Variants in HIKESHI observed in about 807,000 individuals in gnomAD.
The protein encoded by HIKESHI is protein Hikeshi.
In HIKESHI, 13 loss-of-function variants were observed where a neutral mutation model predicts 25.7. That is an observed-to-expected ratio of 0.51 (90% CI 0.33 to 0.80). The LOEUF is 0.80. Ranked by LOEUF, HIKESHI falls within the 30% of genes least tolerant of loss-of-function variation. The probability of loss-of-function intolerance (pLI) is 0.02; values close to 1 mark genes in which losing one functional copy is unlikely to be tolerated. For missense variants in HIKESHI, 174 were observed against 229.5 expected, an observed-to-expected ratio of 0.76 and a Z score of 1.56; for synonymous variants, 76 against 78.7, an observed-to-expected ratio of 0.97 and a Z score of 0.18.
Position 86,337,368 on chromosome 11 carries a change from A to G in HIKESHI, c.269-11A>G. ...AATTTGAAATGTGTGTCATATGTTAATTTCTTGCAGGAGAAGGAAGCCAAC... is the reference window on the plus strand; with the variant it reads ...AATTTGAAATGTGTGTCATATGTTAGTTTCTTGCAGGAGAAGGAAGCCAAC... On this transcript the variant is annotated splice_polypyrimidine_tract_variant and intron_variant, in intron 2 of 4. Coordinates refer to ENST00000278483, the MANE Select transcript of HIKESHI (RefSeq NM_016401.4). The G allele has an allele frequency of 6.2e-7, 1 of 1,609,674 alleles. No homozygotes were observed. Among genetic ancestry groups the G allele is most frequent in the Non-Finnish European group, 8.5e-7 (1 of 1,178,508 alleles).
chr11:86,309,226 A>G (rs955490411), intron 2 of HIKESHI, among the ~76,000 whole-genome samples: 21 of 152,016 alleles, frequency 1.4e-4, no homozygotes, highest in African/African-American at 4.8e-4. Flanking sequence ...CCTCTCCAGC[A>G]CCTGTTGTTT....
intron 2 of HIKESHI, among the ~76,000 whole-genome samples, chr11:86,308,740 C>T (rs291210): frequency 0.01 from 1,537 of 151,974 alleles, 98 homozygotes; most frequent in Admixed American, 0.093. Flanking sequence ...CCACAACAGG[C>T]CCCGGTGTGT....
chr11:86,326,844 C>T (rs530239212), intron 2 of HIKESHI, among the ~76,000 whole-genome samples: 146 of 152,192 alleles, frequency 9.6e-4, no homozygotes, highest in Middle Eastern at 3.4e-3. Context: ...GAGGTGTTAA[C>T]GGTAAATTGG....
chr11:86,341,229 A>AT (rs1947718197), intron 3 of HIKESHI, among the ~76,000 whole-genome samples: 1 of 152,330 alleles, frequency 6.6e-6, no homozygotes, highest in East Asian at 1.9e-4. Context: ...ATCAGTATAC[A>AT]TTTTTGTTAA....
intron 3 of HIKESHI, among the ~76,000 whole-genome samples, chr11:86,339,169 C>A (rs1460922536): frequency 6.6e-6 from 1 of 152,164 alleles, no homozygotes; most frequent in Non-Finnish European, 1.5e-5. Context: ...CCTCAGCCTC[C>A]CAAGTAGCTG....
rs924763081 is a variant in HIKESHI at position 86,318,632 on chromosome 11, A to T, written c.268+12150A>T. ...TATCTAGTACCTTAAATAGTTACAA[A>T]GTAAATTGAAGTTATTTAAAAAATT... On this transcript the variant is annotated intron_variant, in intron 2 of 4. Coordinates refer to ENST00000278483, the MANE Select transcript of HIKESHI (RefSeq NM_016401.4). Among the ~76,000 whole-genome samples the T allele has an allele frequency of 3.9e-5, 6 of 152,136 alleles. 1 individual carries two copies. Among genetic ancestry groups the T allele is most frequent in the African/African-American group, 1.4e-4 (6 of 41,440 alleles).
At chr11:86,303,437 T>TC (rs1476108440) in intron 1 of HIKESHI, 1 of 980,896 alleles carries the variant, frequency 1.0e-6, no homozygotes, top group Non-Finnish European at 1.2e-6. Context: ...ACCCCTGTGG[T>TC]GATGGTGGTA....
At chr11:86,309,770 G>C (rs1043818177) in intron 2 of HIKESHI, among the ~76,000 whole-genome samples, 2 of 152,154 alleles carry the variant, frequency 1.3e-5, no homozygotes, top group Admixed American at 1.3e-4. Context: ...AAGGGATCCA[G>C]TTTCAGCTTT....
At chr11:86,334,236 A>ATGTGCGTGTG (rs1215126267) in intron 2 of HIKESHI, among the ~76,000 whole-genome samples, 1 of 147,004 alleles carries the variant, frequency 6.8e-6, no homozygotes, top group African/African-American at 2.5e-5. Context: ...TTTGTAAAAT[A>ATGTGCGTGTG]TGTGTGTGTG....
At chr11:86,313,813 A>G (rs1946898898) in intron 2 of HIKESHI, among the ~76,000 whole-genome samples, 1 of 152,148 alleles carries the variant, frequency 6.6e-6, no homozygotes, top group Admixed American at 6.6e-5. Flanking sequence ...GCTTTCCTGG[A>G]GGAGGTGATA....
chr11:86,327,040 AAC>A (rs1947299520), intron 2 of HIKESHI, among the ~76,000 whole-genome samples: 1 of 152,186 alleles, frequency 6.6e-6, no homozygotes, highest in African/African-American at 2.4e-5. Flanking sequence ...GGCGTGGGTC[AAC>A]ATAGTGAGAT....
At chr11:86,325,859 G>T (rs1947267356) in intron 2 of HIKESHI, among the ~76,000 whole-genome samples, 1 of 136,140 alleles carries the variant, frequency 7.3e-6, no homozygotes. Flanking sequence ...GCAACAGACC[G>T]AGACTCCGTC....
intron 2 of HIKESHI, among the ~76,000 whole-genome samples, chr11:86,315,952 T>C (rs1053073995): frequency 1.7e-4 from 26 of 151,926 alleles, no homozygotes; most frequent in Non-Finnish European, 1.5e-5. Flanking sequence ...AGTAATAATA[T>C]TGATTCTCCT....
intron 2 of HIKESHI, among the ~76,000 whole-genome samples, chr11:86,307,396 A>C (rs924153293): frequency 2.4e-5 from 3 of 126,924 alleles, no homozygotes; most frequent in Non-Finnish European, 3.2e-5. Context: ...TATTATGTGT[A>C]ATATACATTA....
At chr11:86,315,587 G>A (rs1253047758) in intron 2 of HIKESHI, among the ~76,000 whole-genome samples, 1 of 152,050 alleles carries the variant, frequency 6.6e-6, no homozygotes, top group Non-Finnish European at 1.5e-5. Flanking sequence ...CCAAAGTGCT[G>A]GGATTACAGG....
intron 2 of HIKESHI, among the ~76,000 whole-genome samples, chr11:86,312,835 A>G (rs577290124): frequency 1.3e-5 from 2 of 152,304 alleles, no homozygotes; most frequent in African/African-American, 2.4e-5. Context: ...TTGGCTGGAT[A>G]TGAAATTCTG....
At position 86,302,412 on chromosome 11, in the gene HIKESHI, T is replaced by C. The variant is rs1240809489; in HGVS notation, c.-37T>C. ...AGCCCCAGGACTCCTAGTCGCCGGCTTCAGGTCACTGCCGGCTGAACGGAG... is the reference window on the plus strand; with the variant it reads ...AGCCCCAGGACTCCTAGTCGCCGGCCTCAGGTCACTGCCGGCTGAACGGAG... On this transcript the variant is annotated 5_prime_UTR_variant, in exon 1 of 5. Coordinates refer to ENST00000278483, the MANE Select transcript of HIKESHI (RefSeq NM_016401.4). 1 of 1,551,422 alleles carries C rather than the reference T, an allele frequency of 6.4e-7. No individual in the cohort carries two copies. Among genetic ancestry groups the C allele is most frequent in the East Asian group, 2.4e-5 (1 of 40,944 alleles).
Position 86,337,526 on chromosome 11 carries a change from C to G in HIKESHI, c.416C>G (p.Thr139Ser). ...NAAVSSVDSF[T>S]QFTQKMLDNF... Reference sequence around the variant, plus strand: ...GCTGTATCCTCAGTTGACTCATTCACTCAGGTAATGCAACATACATTTCAT... The same window carrying G: ...GCTGTATCCTCAGTTGACTCATTCAGTCAGGTAATGCAACATACATTTCAT... The change falls in exon 3 of 5, where the codon ACT becomes AGT. Residue 139 changes from threonine to serine, a missense_variant. Transcript: ENST00000278483. 6.2e-7 allele frequency: 1 copy of G among 1,612,074 alleles called. No individual in the cohort carries two copies. Among genetic ancestry groups the G allele is most frequent in the Non-Finnish European group, 8.5e-7 (1 of 1,179,386 alleles).
Position 86,327,632 on chromosome 11 carries a change from A to G in HIKESHI, c.269-9747A>G, listed in dbSNP as rs1489636558. On this transcript the variant is annotated intron_variant, in intron 2 of 4. Coordinates refer to ENST00000278483, the MANE Select transcript of HIKESHI (RefSeq NM_016401.4). Reference sequence around the variant, plus strand: ...CCCAGCCAAGCCTCTGGTTTTCAAGACACTGAATTTCAGGGAAGTTAATTT... The same window carrying G: ...CCCAGCCAAGCCTCTGGTTTTCAAGGCACTGAATTTCAGGGAAGTTAATTT... Among the ~76,000 whole-genome samples the G allele has an allele frequency of 4.6e-5, 7 of 151,974 alleles. No homozygotes were observed. The East Asian group carries it at 1.2e-3, about 25-fold the overall frequency.
Sources: allele counts gnomAD v4.1 joint callset (sites outside exome capture counted in the v4.1 genomes callset), GRCh38; gene constraint gnomAD v4.1.1; transcripts MANE v1.5; gene names NCBI Gene and HGNC (gene_info 2026-07-23, HGNC 2026-07-21).